RBFOX1: variants seen among roughly 807,000 people sequenced by gnomAD.
RBFOX1 encodes the protein RNA binding protein fox-1 homolog 1.
Under a neutral mutation model 57.7 loss-of-function variants are expected in RBFOX1, and 8 were observed. That is an observed-to-expected ratio of 0.14 (90% CI 0.08 to 0.25). RBFOX1 has a LOEUF of 0.25. RBFOX1 is among the 10% of genes least tolerant of loss of function. The pLI is 1.00. For missense variants in RBFOX1, 611 were observed against 548.5 expected, an observed-to-expected ratio of 1.11 and a Z score of -1.14; for synonymous variants, 326 against 222.4, an observed-to-expected ratio of 1.47 and a Z score of -4.15.
chr16:7,084,064 G>T (rs899304), intron 4 of RBFOX1, among the ~76,000 whole-genome samples: 119,462 of 152,064 alleles, frequency 0.79, 47,240 homozygotes, highest in East Asian at 0.91. Flanking sequence ...ATCCCACCCG[G>T]GGGCTTCTGA....
intron 2 of RBFOX1, among the ~76,000 whole-genome samples, chr16:6,631,769 G>C (rs1207531849): frequency 6.6e-6 from 1 of 152,118 alleles, no homozygotes; most frequent in South Asian, 2.1e-4. Flanking sequence ...TAGGGAGGAG[G>C]AGCAGCCACC....
chr16:6,642,303 C>T (rs911999147), intron 2 of RBFOX1, among the ~76,000 whole-genome samples: 2 of 152,114 alleles, frequency 1.3e-5, no homozygotes, highest in East Asian at 1.9e-4. Flanking sequence ...AAAACAAGTG[C>T]GATTTACATC....
chr16:7,024,898 G>A (rs193217366), intron 3 of RBFOX1, among the ~76,000 whole-genome samples: 1 of 152,116 alleles, frequency 6.6e-6, no homozygotes, highest in Non-Finnish European at 1.5e-5. Flanking sequence ...GAAGTCACCT[G>A]CTGCACTCCT....
intron 1 of RBFOX1, among the ~76,000 whole-genome samples, chr16:6,062,215 C>G (rs1450776794): frequency 1.3e-5 from 2 of 152,150 alleles, no homozygotes; most frequent in Non-Finnish European, 2.9e-5. Context: ...ACTGTCCTTT[C>G]AGGTTTTTAT....
At chr16:7,538,257 C>T (rs1403903025) in intron 5 of RBFOX1, among the ~76,000 whole-genome samples, 1 of 152,112 alleles carries the variant, frequency 6.6e-6, no homozygotes, top group Non-Finnish European at 1.5e-5. Context: ...AGTCCTTCCG[C>T]CATCAATAAG....
At chr16:7,385,590 G>C (rs1246710126) in intron 4 of RBFOX1, among the ~76,000 whole-genome samples, 1 of 152,148 alleles carries the variant, frequency 6.6e-6, no homozygotes, top group Admixed American at 6.5e-5. Flanking sequence ...TGCCAAGATG[G>C]AAGATAGATT....
intron 1 of RBFOX1, among the ~76,000 whole-genome samples, chr16:6,315,028 G>A (rs1358806784): frequency 6.6e-6 from 1 of 152,260 alleles, no homozygotes; most frequent in African/African-American, 2.4e-5. Context: ...CAAGGGGACA[G>A]TTCCTGACAT....
intron 2 of RBFOX1, among the ~76,000 whole-genome samples, chr16:5,534,907 A>T (rs1330614192): frequency 6.6e-6 from 1 of 152,210 alleles, no homozygotes; most frequent in Non-Finnish European, 1.5e-5. Flanking sequence ...TCGCCATATA[A>T]AATGACCAAT....
intron 2 of RBFOX1, among the ~76,000 whole-genome samples, chr16:5,583,788 C>T (rs55877143): frequency 0.022 from 3,422 of 152,236 alleles, 54 homozygotes; most frequent in Middle Eastern, 0.037. Context: ...AACTGTGGCT[C>T]AGAGAAATGG....
rs1247447846 is a variant in RBFOX1, at chr16:6,077,784, A to T, written c.-127+57792A>T. On this transcript the variant is annotated intron_variant, in intron 1 of 15. Coordinates refer to ENST00000550418, the MANE Select transcript of RBFOX1 (RefSeq NM_018723.4). ...CAGGCTGGAGTACAGTGGTGCAGTC[A>T]TAGCTCACTGCAGCCTCGACCTCCT... 3.3e-5 allele frequency among the ~76,000 whole-genome samples: 5 copies of T among 151,830 alleles called. No individual in the cohort carries two copies. The South Asian group carries it at 8.3e-4, about 25-fold the overall frequency.
chr16:5,786,814 G>A (rs2054517055), intron 3 of RBFOX1, among the ~76,000 whole-genome samples: 1 of 152,118 alleles, frequency 6.6e-6, no homozygotes, highest in Non-Finnish European at 1.5e-5. Context: ...AGAGAGTGAT[G>A]GGAGGGAAGG....
chr16:7,515,322 A>G (rs1184195638), intron 4 of RBFOX1, among the ~76,000 whole-genome samples: 4 of 152,116 alleles, frequency 2.6e-5, no homozygotes, highest in African/African-American at 9.7e-5. Flanking sequence ...AAAGTAGCTT[A>G]AAAAATGAGA....
intron 4 of RBFOX1, among the ~76,000 whole-genome samples, chr16:7,339,535 G>C (rs969487549): frequency 6.6e-6 from 1 of 152,178 alleles, no homozygotes; most frequent in African/African-American, 2.4e-5. Context: ...CACCTGCCAA[G>C]TTCAAGTGAT....
intron 4 of RBFOX1, among the ~76,000 whole-genome samples, chr16:7,269,220 C>G (rs1272743596): frequency 6.6e-6 from 1 of 152,068 alleles, no homozygotes; most frequent in Non-Finnish European, 1.5e-5. Context: ...TCCACATTTT[C>G]TTTTTCTCTT....
chr16:7,702,106 C>A (rs1027494983), intron 14 of RBFOX1, among the ~76,000 whole-genome samples: 1 of 152,182 alleles, frequency 6.6e-6, no homozygotes, highest in African/African-American at 2.4e-5. Flanking sequence ...ATTACCCCAA[C>A]ATTTTCTCAA....
At chr16:7,084,636 A>G (rs2059708511) in intron 4 of RBFOX1, among the ~76,000 whole-genome samples, 1 of 152,170 alleles carries the variant, frequency 6.6e-6, no homozygotes, top group Admixed American at 6.5e-5. Context: ...CATTTCTTCA[A>G]ATTGAGCTTC....
chr16:7,247,942 A>G (rs921485561), intron 4 of RBFOX1, among the ~76,000 whole-genome samples: 1 of 152,198 alleles, frequency 6.6e-6, no homozygotes, highest in Non-Finnish European at 1.5e-5. Flanking sequence ...AATGAGTACT[A>G]GGCTTAATAC....
intron 2 of RBFOX1, among the ~76,000 whole-genome samples, chr16:6,571,382 C>T (rs868500532): frequency 2.6e-5 from 4 of 152,154 alleles, no homozygotes; most frequent in Admixed American, 1.3e-4. Context: ...GGAGACCATT[C>T]CTGTCAGGAA....
intron 3 of RBFOX1, among the ~76,000 whole-genome samples, chr16:5,634,002 C>T (rs891080297): frequency 6.6e-6 from 1 of 152,184 alleles, no homozygotes; most frequent in African/African-American, 2.4e-5. Context: ...AGCAAGCCCA[C>T]CTTGAGTGTA....
Sources: allele counts gnomAD v4.1 joint callset (sites outside exome capture counted in the v4.1 genomes callset), GRCh38; gene constraint gnomAD v4.1.1; transcripts MANE v1.5; gene names NCBI Gene and HGNC (gene_info 2026-07-23, HGNC 2026-07-21).